Variants in SCN1A observed in about 807,000 individuals in gnomAD.
SCN1A encodes the protein sodium voltage-gated channel alpha subunit 1.
SCN1A carries 13 observed loss-of-function variants against 193.7 expected under a neutral mutation model. The observed-to-expected ratio is 0.07, with a 90% confidence interval of 0.04 to 0.11. The LOEUF (loss-of-function observed/expected upper bound fraction) is 0.11. SCN1A is among the 10% of genes least tolerant of loss of function. SCN1A has a pLI of 1.00. For missense variants in SCN1A, 1,432 were observed against 2,451.1 expected (o/e 0.58, Z 8.78); for synonymous variants, 781 against 843.6 (o/e 0.93, Z 1.29).
chr2:166,018,220 A>G (rs543911557), intron 19 of SCN1A, among the ~76,000 whole-genome samples: 2 of 152,136 alleles, frequency 1.3e-5, no homozygotes, highest in East Asian at 1.9e-4. Context: ...CTTATGAGGA[A>G]TACTACTTTT....
rs1254444583 is a variant in SCN1A at position 165,990,758 on chromosome 2, G to T, written c.*487C>A. On this transcript the variant is annotated 3_prime_UTR_variant, in exon 29 of 29. Coordinates refer to ENST00000674923, the MANE Select transcript of SCN1A (RefSeq NM_001165963.4). ...CCCAGGTGGCATACCTGTTATAGAG[G>T]TCCTTAGCCTATTTCTCAACAGAAA... 1 of 169,170 alleles carries T rather than the reference G, an allele frequency of 5.9e-6. No homozygotes were observed. Among genetic ancestry groups the T allele is most frequent in the African/African-American group, 2.4e-5 (1 of 41,504 alleles). The allele number at this position is 169,170 out of a possible 1,614,324, so 10.5% of individuals were successfully genotyped here. A position where few individuals can be genotyped will look rare whatever the true frequency, so the allele number is the denominator to read the frequency against.
At position 166,142,277 on chromosome 2, in the gene SCN1A, T is replaced by G. The variant is rs1574651462; in HGVS notation, c.-50+6770A>C. Among the ~76,000 whole-genome samples the G allele has an allele frequency of 3.3e-5, 5 of 152,316 alleles. 1 individual carries two copies. The South Asian group carries it at 1.0e-3, about 32-fold the overall frequency. The stretch of plus-strand genomic sequence containing the variant: ...AAAACCAAATAGTTTGCTTTTTATT[T>G]CCACAAGTTTGGAGGAGCCATCTGT... On this transcript the variant is annotated intron_variant, in intron 1 of 26. Transcript: ENST00000635750.
At chr2:166,083,450 T>TA (rs1685747470) in intron 2 of SCN1A, among the ~76,000 whole-genome samples, 1 of 152,010 alleles carries the variant, frequency 6.6e-6, no homozygotes. Flanking sequence ...AACTAAGAAG[T>TA]AAAAAATTCA....
Position 165,998,109 on chromosome 2 carries a change from A to G in SCN1A, c.4405T>C (p.Phe1469Leu). 6.2e-7 allele frequency: 1 copy of G among 1,605,926 alleles called. No individual in the cohort carries two copies. The highest frequency in any genetic ancestry group is 8.5e-7 in the Non-Finnish European group (1 of 1,174,172). The change falls in exon 26 of 29, where the codon TTT (phenylalanine) becomes CTT (leucine). Residue 1469 changes from phenylalanine to leucine, a missense_variant. Around this residue, in one of 18 missense-constraint regions of SCN1A, gnomAD observed 23 missense variants for 56.4 expected, o/e 0.41. Transcript: ENST00000674923. The stretch of plus-strand genomic sequence containing the variant: ...AGGTTCAAGGTGAAGAAGGACCCAA[A>G]GATGATGAAAATAACAAAGTAAAGA... ...MYLYFVIFII[F>L]GSFFTLNLFI... is the part of the protein sequence containing the mutation.
Position 166,043,968 on chromosome 2 carries a change from T to C in SCN1A, c.1744A>G (p.Lys582Glu). ...TSLFSFRGRAKDVGSENDFAD... is the reference protein window; with the variant it reads ...TSLFSFRGRAEDVGSENDFAD... ...AAGTCGTTCTCAGATCCCACATCCT[T>C]TGCTCGCCCTCTAAAGCTGAAAAGG... Residue 582 changes from lysine (K) to glutamate (E), a missense_variant, in exon 14 of 29, where the codon AAG becomes GAG. By Grantham distance (56) the Lys-to-Glu change is moderately conservative. Transcript: ENST00000674923. 6.2e-7 allele frequency: 1 copy of C among 1,614,106 alleles called. No homozygotes were observed. Among genetic ancestry groups the C allele is most frequent in the Non-Finnish European group, 8.5e-7 (1 of 1,180,008 alleles).
At chr2:166,096,810 T>G (rs1311492453) in intron 2 of SCN1A, among the ~76,000 whole-genome samples, 1 of 152,162 alleles carries the variant, frequency 6.6e-6, no homozygotes, top group African/African-American at 2.4e-5. Flanking sequence ...CTTTTTGTTG[T>G]TTTTGTTTTG....
Position 166,036,076 on chromosome 2 carries a change from C to T in SCN1A, c.3401G>A (p.Ser1134Asn), listed in dbSNP as rs753444206. 6.2e-7 allele frequency: 1 copy of T among 1,613,906 alleles called. No homozygotes were observed. Among genetic ancestry groups the T allele is most frequent in the South Asian group, 1.1e-5 (1 of 91,074 alleles). ...FENLNTEDFS[S>N]ESDLEESKEK... ...TTTGCTTTCTTCCAGATCCGATTCACTACTAAAGTCTTCCGTGTTTAAATT... is the reference window on the plus strand; with the variant it reads ...TTTGCTTTCTTCCAGATCCGATTCATTACTAAAGTCTTCCGTGTTTAAATT... Residue 1134 changes from serine to asparagine, a missense_variant, in exon 19 of 29, where the codon AGT becomes AAT. Physicochemically the swap from Ser to Asn is conservative, Grantham distance 46. Around this residue, in one of 18 missense-constraint regions of SCN1A, gnomAD observed 198 missense variants for 225.8 expected, o/e 0.88. Coordinates refer to ENST00000674923, the MANE Select transcript of SCN1A (RefSeq NM_001165963.4).
chr2:166,035,985 T>C (rs980716469), intron 19 of SCN1A, 63 bp downstream of exon 19: 10 of 1,507,388 alleles, frequency 6.6e-6, no homozygotes, highest in East Asian at 2.3e-5. Flanking sequence ...GAGGATCATC[T>C]GTATGTGTGT....
At chr2:166,049,511 T>C (rs138787350) in intron 9 of SCN1A, among the ~76,000 whole-genome samples, 44 of 152,118 alleles carry the variant, frequency 2.9e-4, no homozygotes, top group Non-Finnish European at 5.9e-5. Flanking sequence ...TATGCATAAA[T>C]CATATCAACA....
upstream of SCN1A, among the ~76,000 whole-genome samples, chr2:166,130,586 C>A (rs1334235596): frequency 1.3e-5 from 2 of 152,170 alleles, no homozygotes; most frequent in East Asian, 1.9e-4. Flanking sequence ...AGATAGAATT[C>A]TTTTTTCTTT....
At chr2:166,140,762 G>GT (rs142569772) in intron 1 of SCN1A, among the ~76,000 whole-genome samples, 3,651 of 152,188 alleles carry the variant, frequency 0.024, 152 homozygotes, top group African/African-American at 0.085. Context: ...TTAATTAGGT[G>GT]TTTTTTTCTC....
At chr2:166,026,996 A>C (rs1161071452) in intron 19 of SCN1A, 2 of 152,052 alleles carry the variant, frequency 1.3e-5, no homozygotes, top group Non-Finnish European at 2.9e-5. Context: ...ATCAACCTTA[A>C]ATTTTACCAA....
intron 11 of SCN1A, among the ~76,000 whole-genome samples, chr2:166,047,334 A>G (rs570129901): frequency 2.6e-4 from 40 of 152,088 alleles, no homozygotes; most frequent in African/African-American, 9.6e-4. Context: ...CACCTGAGGG[A>G]TAATATTTGA....
chr2:166,144,537 G>T (rs1263563817), intron 1 of SCN1A, among the ~76,000 whole-genome samples: 1 of 151,894 alleles, frequency 6.6e-6, no homozygotes, highest in African/African-American at 2.4e-5. Context: ...AATTAATTAA[G>T]CATATGATAC....
intron 24 of SCN1A, among the ~76,000 whole-genome samples, chr2:166,001,883 T>C (rs953147478): frequency 2.2e-4 from 31 of 138,410 alleles, no homozygotes; most frequent in African/African-American, 4.8e-4. Context: ...CTCTCTCTTT[T>C]TTTTTTTTTT....
At chr2:166,093,578 C>T (rs1057188498) in intron 2 of SCN1A, among the ~76,000 whole-genome samples, 2 of 152,108 alleles carry the variant, frequency 1.3e-5, no homozygotes, top group Non-Finnish European at 2.9e-5. Context: ...CTCCTGACCT[C>T]ACGATCCACC....
intron 1 of SCN1A, among the ~76,000 whole-genome samples, chr2:166,146,266 C>A (rs562180675): frequency 6.6e-6 from 1 of 152,096 alleles, no homozygotes; most frequent in Non-Finnish European, 1.5e-5. Context: ...ACCAATAGAT[C>A]GTCACCTAGA....
At position 166,034,112 on chromosome 2, in the gene SCN1A, ATTT is replaced by A. The variant is rs60971346; in HGVS notation, c.3429+1933_3429+1935del. On this transcript the variant is annotated intron_variant, in intron 19 of 28. Coordinates refer to ENST00000674923, the MANE Select transcript of SCN1A (RefSeq NM_001165963.4). ...CCACAATATTTGATAAAAACAGTCT[ATTT>A]TTTTTTTGTCCTGAATCTATTTCCA... Among the ~76,000 whole-genome samples the A allele has an allele frequency of 8.1e-3, 1,226 of 151,588 alleles. 14 individuals are homozygous for A. Among genetic ancestry groups the A allele is most frequent in the African/African-American group, 0.028 (1,150 of 41,414 alleles).
At chr2:165,997,936 A>T in intron 26 of SCN1A, 102 bp downstream of exon 26, 1 of 860,070 alleles carries the variant, frequency 1.2e-6, no homozygotes, top group Non-Finnish European at 1.9e-6. Flanking sequence ...TATAATATAT[A>T]CTCCCATTTT....
Sources: gnomAD v4.1 joint callset for allele counts (sites outside exome capture counted in the v4.1 genomes callset) on GRCh38, gnomAD v4.1.1 for gene constraint, gnomAD v4.1.1 regional missense constraint, MANE v1.5 for transcripts, NCBI Gene and HGNC (gene_info 2026-07-23, HGNC 2026-07-21) for gene names.